Variants in CCDC15 observed in about 807,000 individuals in gnomAD.
CCDC15 encodes coiled-coil domain containing 15.
Under a neutral mutation model 114.5 loss-of-function variants are expected in CCDC15, and 105 were observed. That is an observed-to-expected ratio of 0.92 (90% CI 0.78 to 1.08). The LOEUF (loss-of-function observed/expected upper bound fraction) is 1.08. CCDC15 is among the 50% of genes least tolerant of loss of function. The pLI is 0.00. For missense variants in CCDC15, 1,105 were observed against 1,093.6 expected, an observed-to-expected ratio of 1.01 and a Z score of -0.15; for synonymous variants, 334 against 377.8, an observed-to-expected ratio of 0.88 and a Z score of 1.34.
At chr11:124,981,388 A>G (rs1948070249) in intron 6 of CCDC15, among the ~76,000 whole-genome samples, 2 of 152,292 alleles carry the variant, frequency 1.3e-5, no homozygotes, top group African/African-American at 4.8e-5. Flanking sequence ...TTTGTCACCC[A>G]GGCTGGAGTG....
At chr11:124,958,384 C>T (rs147690160) in intron 2 of CCDC15, among the ~76,000 whole-genome samples, 1 of 150,782 alleles carries the variant, frequency 6.6e-6, no homozygotes, top group African/African-American at 2.4e-5. Flanking sequence ...TTTTTCTCAT[C>T]AGCTACTAGT....
At chr11:124,972,013 T>C (rs1947891682) in intron 4 of CCDC15, among the ~76,000 whole-genome samples, 1 of 152,354 alleles carries the variant, frequency 6.6e-6, no homozygotes, top group East Asian at 1.9e-4. Context: ...TAAACATTTA[T>C]GTTGTTATGA....
intron 6 of CCDC15, among the ~76,000 whole-genome samples, chr11:124,984,931 A>C (rs905258735): frequency 6.6e-6 from 1 of 152,122 alleles, no homozygotes; most frequent in Non-Finnish European, 1.5e-5. Context: ...GGCTGCTTCT[A>C]GCCAGCTATC....
At chr11:124,980,132 G>A (rs1488245550) in intron 6 of CCDC15, among the ~76,000 whole-genome samples, 1 of 151,980 alleles carries the variant, frequency 6.6e-6, no homozygotes, top group Non-Finnish European at 1.5e-5. Context: ...CTTTATTATG[G>A]TGGATTAGCT....
chr11:124,959,823 A>T lies in CCDC15; in HGVS notation c.336A>T (p.Lys112Asn). 1.3e-6 allele frequency: 2 copies of T among 1,594,960 alleles called. No homozygotes were observed. Among genetic ancestry groups the T allele is most frequent in the Non-Finnish European group, 1.7e-6 (2 of 1,170,468 alleles). ...TTTCTTCTTTCGTGTAGGCACAAAAAGAAGGCTCCATAGCCATGCAGTCTT... is the reference window on the plus strand; with the variant it reads ...TTTCTTCTTTCGTGTAGGCACAAAATGAAGGCTCCATAGCCATGCAGTCTT... ...QLQKSYERAQKEGSIAMQSSA... is the reference protein window; with the variant it reads ...QLQKSYERAQNEGSIAMQSSA... Residue 112 changes from lysine to asparagine, a missense_variant, in exon 4 of 16, where the codon AAA (lysine) becomes AAT (asparagine). Coordinates refer to ENST00000344762, the MANE Select transcript of CCDC15 (RefSeq NM_025004.3).
At chr11:125,026,660 A>G (rs1424390018) in intron 13 of CCDC15, among the ~76,000 whole-genome samples, 1 of 151,902 alleles carries the variant, frequency 6.6e-6, no homozygotes, top group Non-Finnish European at 1.5e-5. Flanking sequence ...AATTCTGTTA[A>G]CTGTTAAGCA....
chr11:125,002,594 C>A (rs766609124), intron 11 of CCDC15, among the ~76,000 whole-genome samples: 19 of 152,106 alleles, frequency 1.2e-4, no homozygotes, highest in South Asian at 8.3e-4. Flanking sequence ...GGGAGCGGTC[C>A]AACTTCATTC....
chr11:125,004,939 C>T lies in CCDC15; in HGVS notation c.2308-170C>T, dbSNP rs148986814. ...AAATATAAAATTCTTGTGTATGTGA[C>T]ATCCTGAGTGACCATAGACAGAAGG... On this transcript the variant is annotated intron_variant, in intron 12 of 15. Coordinates refer to ENST00000344762, the MANE Select transcript of CCDC15 (RefSeq NM_025004.3). 4.3e-3 allele frequency among the ~76,000 whole-genome samples: 661 copies of T among 152,182 alleles called. 7 individuals carry two copies. The highest frequency in any genetic ancestry group is 0.014 in the African/African-American group (585 of 41,546).
rs1948174402 is a variant in CCDC15 at position 124,986,851 on chromosome 11, A to C, written c.863A>C (p.His288Pro). Residue 288 changes from histidine to proline, a missense_variant, in exon 7 of 16, where the codon CAT becomes CCT. Physicochemically the swap from His to Pro is moderately conservative, Grantham distance 77. Coordinates refer to ENST00000344762, the MANE Select transcript of CCDC15 (RefSeq NM_025004.3). ...GRGQQDQQAI[H>P]SEDKNKPFSR... The stretch of plus-strand genomic sequence containing the variant: ...GGCCAGCAGGACCAGCAGGCTATCC[A>C]TTCTGAAGATAAGAACAAACCTTTC... 10 of 1,560,880 alleles carry C rather than the reference A, an allele frequency of 6.4e-6. No homozygotes were observed. The East Asian group carries it at 2.4e-4, about 37-fold the overall frequency.
intron 4 of CCDC15, among the ~76,000 whole-genome samples, chr11:124,973,546 G>T (rs545615378): frequency 6.6e-6 from 1 of 152,036 alleles, no homozygotes; most frequent in South Asian, 2.1e-4. Context: ...TTAAATAGAG[G>T]TGATGTGCTG....
chr11:125,028,849 C>G (rs948732013), intron 13 of CCDC15, among the ~76,000 whole-genome samples: 1 of 152,108 alleles, frequency 6.6e-6, no homozygotes, highest in Admixed American at 6.6e-5. Context: ...AATTTGACTA[C>G]TGTGTTAGTC....
intron 6 of CCDC15, among the ~76,000 whole-genome samples, chr11:124,978,846 G>A (rs1948020110): frequency 6.6e-6 from 1 of 151,466 alleles, no homozygotes; most frequent in South Asian, 2.1e-4. Context: ...GTTGCTTTTG[G>A]CATCTTCATC....
intron 13 of CCDC15, among the ~76,000 whole-genome samples, chr11:125,026,601 T>C (rs1327111243): frequency 6.6e-6 from 1 of 152,206 alleles, no homozygotes; most frequent in Non-Finnish European, 1.5e-5. Context: ...GGAGGATGAT[T>C]GGTGGAGGCT....
intron 11 of CCDC15, among the ~76,000 whole-genome samples, 170 bp downstream of exon 11, chr11:124,993,413 A>G (rs925753231): frequency 1.3e-4 from 20 of 152,298 alleles, no homozygotes; most frequent in Middle Eastern, 3.4e-3. Context: ...CAAAGAATAT[A>G]ACGTTCTTTT....
At chr11:124,992,756 T>C in intron 10 of CCDC15, 69 bp downstream of exon 10, 4 of 868,832 alleles carry the variant, frequency 4.6e-6, no homozygotes, top group Non-Finnish European at 7.2e-6. Flanking sequence ...CATATTAACA[T>C]TGAGGCTGAA....
chr11:124,990,507 A>G (rs906179915), intron 8 of CCDC15, among the ~76,000 whole-genome samples: 5 of 152,212 alleles, frequency 3.3e-5, no homozygotes, highest in African/African-American at 9.7e-5. Context: ...AAAACACAAC[A>G]TCTGCAAAGC....
chr11:124,993,357 A>G (rs1324012993), intron 11 of CCDC15, 114 bp downstream of exon 11: 1 of 654,658 alleles, frequency 1.5e-6, no homozygotes, highest in Non-Finnish European at 2.7e-6. Context: ...TTGACAGGGC[A>G]ATGTAACTGC....
intron 13 of CCDC15, among the ~76,000 whole-genome samples, chr11:125,032,868 A>T (rs955231264): frequency 1.3e-5 from 2 of 152,148 alleles, no homozygotes; most frequent in Non-Finnish European, 2.9e-5. Flanking sequence ...CCCTTCTTTA[A>T]CTGGAGGACC....
chr11:124,984,984 G>A (rs1484906219), intron 6 of CCDC15, among the ~76,000 whole-genome samples: 2 of 152,116 alleles, frequency 1.3e-5, no homozygotes, highest in Non-Finnish European at 2.9e-5. Flanking sequence ...TCACTCCTAA[G>A]AGAAACCCTC....
Sources: gnomAD v4.1 joint callset for allele counts (sites outside exome capture counted in the v4.1 genomes callset) on GRCh38, gnomAD v4.1.1 for gene constraint, MANE v1.5 for transcripts, NCBI Gene and HGNC (gene_info 2026-07-23, HGNC 2026-07-21) for gene names.